CPLANE1: variants seen among roughly 807,000 people sequenced by gnomAD.
The protein encoded by CPLANE1 is ciliogenesis and planar polarity effector complex subunit 1.
Under a neutral mutation model 362.5 loss-of-function variants are expected in CPLANE1, and 263 were observed. The observed-to-expected ratio is 0.73, with a 90% CI of 0.66 to 0.80. The LOEUF (loss-of-function observed/expected upper bound fraction) is 0.80, where lower values mean the gene tolerates loss of function less well. CPLANE1 is among the 30% of genes least tolerant of loss of function. The probability of loss-of-function intolerance (pLI) is 0.00; values close to 1 mark genes in which losing one functional copy is unlikely to be tolerated. For missense variants in CPLANE1, 3,461 were observed against 3,793.4 expected, an observed-to-expected ratio of 0.91 and a Z score of 2.30; for synonymous variants, 1,212 against 1,302.6, an observed-to-expected ratio of 0.93 and a Z score of 1.50.
intron 10 of CPLANE1, 77 bp downstream of exon 10, chr5:37,227,490 AG>A: frequency 6.7e-7 from 1 of 1,481,774 alleles, no homozygotes; most frequent in Non-Finnish European, 9.0e-7. Flanking sequence ...ATACAATTCA[AG>A]GACATTATTG....
chr5:37,178,028 A>G (rs1043226160), intron 29 of CPLANE1, among the ~76,000 whole-genome samples: 2 of 152,230 alleles, frequency 1.3e-5, no homozygotes, highest in East Asian at 3.8e-4. Flanking sequence ...AAAACCAGGA[A>G]AAATGAATCT....
rs1199052348 is a variant in CPLANE1 at position 37,165,615 on chromosome 5, C to T, written c.7457G>A (p.Arg2486Lys). 4.3e-6 allele frequency: 7 copies of T among 1,611,888 alleles called. No individual in the cohort carries two copies. Among genetic ancestry groups the T allele is most frequent in the Non-Finnish European group, 5.9e-6 (7 of 1,179,488 alleles). The change falls in exon 36 of 53, where the codon AGA becomes AAA. Residue 2486 changes from arginine to lysine, a missense_variant. Coordinates refer to ENST00000651892, the MANE Select transcript of CPLANE1 (RefSeq NM_001384732.1). ...LQEKRCEKLR[R>K]KPNVTFRPEN... is the part of the protein sequence containing the mutation. Reference sequence around the variant, plus strand: ...TGGTCGAAAAGTCACATTTGGTTTTCTCCTCAGTTTCTCACATCTTTTTTC... The same window carrying T: ...TGGTCGAAAAGTCACATTTGGTTTTTTCCTCAGTTTCTCACATCTTTTTTC...
intron 4 of CPLANE1, 45 bp downstream of exon 4, chr5:37,245,434 A>AT (rs1428994634): frequency 7.3e-7 from 1 of 1,374,380 alleles, no homozygotes; most frequent in African/African-American, 1.5e-5. Context: ...CTCTTTTCCT[A>AT]TTTTTCCTAG....
At chr5:37,096,785 C>A in the CPLANE1 span, among the ~76,000 whole-genome samples, 1 of 151,860 alleles carries the variant, frequency 6.6e-6, no homozygotes, top group Non-Finnish European at 1.5e-5. Flanking sequence ...CACAAATGGC[C>A]AACAAACATA....
intron 15 of CPLANE1, among the ~76,000 whole-genome samples, chr5:37,214,070 TA>T (rs1561627859): frequency 6.6e-6 from 1 of 151,500 alleles, no homozygotes; most frequent in South Asian, 2.1e-4. Flanking sequence ...GAAATATCAA[TA>T]AAAAAAGAAA....
At chr5:37,101,275 T>C (rs1247922926), downstream of CPLANE1, among the ~76,000 whole-genome samples, 2 of 152,210 alleles carry the variant, frequency 1.3e-5, no homozygotes, top group African/African-American at 4.8e-5. Flanking sequence ...TTTAGAGGTA[T>C]GTTCCTTCAA....
intron 49 of CPLANE1, among the ~76,000 whole-genome samples, 189 bp downstream of exon 49, chr5:37,121,428 T>C (rs930032982): frequency 1.3e-5 from 2 of 152,234 alleles, no homozygotes; most frequent in Admixed American, 1.3e-4. Flanking sequence ...ACACAATTTT[T>C]GCCTTTTTCC....
At chr5:37,238,813 T>C (rs560827800) in intron 8 of CPLANE1, 44 bp downstream of exon 8, 1 of 1,199,032 alleles carries the variant, frequency 8.3e-7, no homozygotes, top group South Asian at 1.6e-5. Flanking sequence ...CCCATCTCTT[T>C]TAAAAGAAAA....
At position 37,173,796 on chromosome 5, in the gene CPLANE1, C is replaced by A; in HGVS notation, c.6130G>T (p.Val2044Phe). The A allele has an allele frequency of 6.2e-7, 1 of 1,614,136 alleles. No homozygotes were observed. Among genetic ancestry groups the A allele is most frequent in the Non-Finnish European group, 8.5e-7 (1 of 1,180,022 alleles). ...TAQLPDCSESVRQMLQDEMFK... is the reference protein window; with the variant it reads ...TAQLPDCSESFRQMLQDEMFK... ...ATTTCATCTTGCAGCATCTGCCTAACGGACTCCGAACAATCTGGTAACTGA... is the reference window on the plus strand; with the variant it reads ...ATTTCATCTTGCAGCATCTGCCTAAAGGACTCCGAACAATCTGGTAACTGA... The change falls in exon 32 of 53, where the codon GTT becomes TTT. Residue 2044 changes from valine (V) to phenylalanine (F), a missense_variant. This residue lies in a region of CPLANE1 where 3,380 missense variants were observed against 3,666.1 expected (regional missense o/e 0.92). Coordinates refer to ENST00000651892, the MANE Select transcript of CPLANE1 (RefSeq NM_001384732.1).
downstream of CPLANE1, among the ~76,000 whole-genome samples, chr5:37,102,804 G>T (rs1757357026): frequency 6.6e-6 from 1 of 152,048 alleles, no homozygotes; most frequent in East Asian, 1.9e-4. Context: ...TTTGCTGAGG[G>T]GTGTTTTACT....
chr5:37,124,167 A>G (rs1763498106), intron 47 of CPLANE1, among the ~76,000 whole-genome samples: 1 of 152,226 alleles, frequency 6.6e-6, no homozygotes, highest in Non-Finnish European at 1.5e-5. Context: ...TTAATGGAAC[A>G]GTTTATCTGA....
At chr5:37,222,284 A>T (rs1795522877) in intron 14 of CPLANE1, among the ~76,000 whole-genome samples, 1 of 152,200 alleles carries the variant, frequency 6.6e-6, no homozygotes, top group African/African-American at 2.4e-5. Flanking sequence ...AAGAAAGGTA[A>T]ATCAGCTAGG....
chr5:37,211,176 G>C, intron 16 of CPLANE1: 1 of 1,325,422 alleles, frequency 7.5e-7, no homozygotes, highest in Non-Finnish European at 1.1e-6. Context: ...AGGTACGGTT[G>C]CATCAAGGAT....
At chr5:37,123,199 C>T (rs150648978) in intron 47 of CPLANE1, among the ~76,000 whole-genome samples, 228 of 152,272 alleles carry the variant, frequency 1.5e-3, no homozygotes, top group Admixed American at 3.3e-3. Flanking sequence ...AAGTTATACA[C>T]CAGAAGGCAA....
rs879814754 is a variant in CPLANE1 at position 37,220,525 on chromosome 5, A to AT, written c.2746+798dup. ...AGATACTCTGCAATCTCTTAAACAG[A>AT]TTTTTTTTTTTTTAATTTGAGATGG... is the stretch of plus-strand genomic sequence containing the variant. On this transcript the variant is annotated intron_variant, in intron 15 of 52. Coordinates refer to ENST00000651892, the MANE Select transcript of CPLANE1 (RefSeq NM_001384732.1). 1.0e-3 allele frequency among the ~76,000 whole-genome samples: 146 copies of AT among 146,536 alleles called. 1 individual carries two copies. Among genetic ancestry groups the AT allele is most frequent in the South Asian group, 3.0e-3 (14 of 4,600 alleles).
chr5:37,162,534 A>G lies in CPLANE1; in HGVS notation c.7621T>C (p.Leu2541=), dbSNP rs770857817. ...MLQDDNTSAG[L]HFMASVKKKA... ...TTTTTTACAGAGGCCATGAAATGCAATCCAGCTGAAGTATTATCATCTTGT... is the reference window on the plus strand; with the variant it reads ...TTTTTTACAGAGGCCATGAAATGCAGTCCAGCTGAAGTATTATCATCTTGT... The change falls in exon 38 of 53, where the codon TTG becomes CTG. Residue 2541 remains leucine (L), a synonymous_variant. Coordinates refer to ENST00000651892, the MANE Select transcript of CPLANE1 (RefSeq NM_001384732.1). 6.2e-7 allele frequency: 1 copy of G among 1,612,442 alleles called. No individual in the cohort carries two copies. The highest frequency in any genetic ancestry group is 1.7e-5 in the Admixed American group (1 of 59,992).
At chr5:37,164,190 C>A in intron 37 of CPLANE1, 83 bp downstream of exon 37, 2 of 1,043,632 alleles carry the variant, frequency 1.9e-6, no homozygotes, top group South Asian at 1.4e-5. Context: ...ATGTAGGTAG[C>A]CTCATTTTCA....
chr5:37,208,809 A>G (rs1420569491), intron 16 of CPLANE1, among the ~76,000 whole-genome samples: 1 of 152,006 alleles, frequency 6.6e-6, no homozygotes, highest in Non-Finnish European at 1.5e-5. Flanking sequence ...CATAACAGTT[A>G]TAACCATTTG....
At chr5:37,229,950 G>A (rs1797340409) in intron 9 of CPLANE1, among the ~76,000 whole-genome samples, 1 of 152,126 alleles carries the variant, frequency 6.6e-6, no homozygotes, top group South Asian at 2.1e-4. Context: ...GCCAAGGCGG[G>A]TGGATCACCT....
Sources: allele counts gnomAD v4.1 joint callset (sites outside exome capture counted in the v4.1 genomes callset), GRCh38; gene constraint gnomAD v4.1.1; regional missense constraint gnomAD v4.1.1; transcripts MANE v1.5; gene names NCBI Gene and HGNC (gene_info 2026-07-23, HGNC 2026-07-21).